The following RALGPS2 variants were observed in gnomAD, a reference collection of about 807,000 sequenced individuals.
The protein encoded by RALGPS2 is ras-specific guanine nucleotide-releasing factor RalGPS2.
RALGPS2 carries 43 observed loss-of-function variants against 86.8 expected under a neutral mutation model. That is an observed-to-expected ratio of 0.50 (90% CI 0.39 to 0.64). The LOEUF is 0.64. Among genes scored for constraint, RALGPS2 ranks in the 30% least tolerant of loss-of-function variants. The probability of loss-of-function intolerance (pLI) is 0.00; values close to 1 mark genes in which losing one functional copy is unlikely to be tolerated. For synonymous variants in RALGPS2, 243 were observed against 231.3 expected (o/e 1.05, Z -0.46); for missense variants, 536 against 694.6 (o/e 0.77, Z 2.57).
rs1166720300 is a variant in RALGPS2, at chr1:178,846,718, A to G, written c.607+13168A>G. Among the ~76,000 whole-genome samples, 3 of 152,336 alleles carry G rather than the reference A, an allele frequency of 2.0e-5. No individual in the cohort carries two copies. The East Asian group carries it at 5.8e-4, about 29-fold the overall frequency. ...AAGAACAGCAGCTATACAGATCTGC[A>G]TGCTAATTGTAAACAGAATCAGATT... On this transcript the variant is annotated intron_variant, in intron 8 of 19. Coordinates refer to ENST00000367635, the MANE Select transcript of RALGPS2 (RefSeq NM_152663.5).
intron 4 of RALGPS2, among the ~76,000 whole-genome samples, chr1:178,791,176 AGTGGCATG>A (rs1259162904): frequency 6.6e-6 from 1 of 152,136 alleles, no homozygotes; most frequent in African/African-American, 2.4e-5. Context: ...GCTGGATTGC[AGTGGCATG>A]ATCACGGCCC....
intron 1 of RALGPS2, among the ~76,000 whole-genome samples, chr1:178,746,134 C>T (rs1303940716): frequency 5.3e-5 from 8 of 151,932 alleles, no homozygotes; most frequent in African/African-American, 1.7e-4. Flanking sequence ...AGAGAGAATT[C>T]TTAAGAGAAT....
At chr1:178,903,142 G>A (rs1460379103) in intron 18 of RALGPS2, among the ~76,000 whole-genome samples, 1 of 152,054 alleles carries the variant, frequency 6.6e-6, no homozygotes, top group Non-Finnish European at 1.5e-5. Flanking sequence ...TTCACAACTG[G>A]AATACTATGT....
intron 6 of RALGPS2, among the ~76,000 whole-genome samples, chr1:178,816,708 ATT>A (rs1238092158): frequency 2.1e-4 from 28 of 134,274 alleles, no homozygotes; most frequent in Non-Finnish European, 1.6e-4. Context: ...GTTTGAAGTG[ATT>A]TTTTTTTTTT....
chr1:178,877,244 A>G (rs1304768364), intron 8 of RALGPS2, among the ~76,000 whole-genome samples: 2 of 152,130 alleles, frequency 1.3e-5, no homozygotes, highest in African/African-American at 4.8e-5. Flanking sequence ...ACTATACTTG[A>G]AAATGAAATC....
At chr1:178,807,956 A>G (rs1654817133) in intron 4 of RALGPS2, 89 bp from the exon 5 acceptor site, 1 of 820,008 alleles carries the variant, frequency 1.2e-6, no homozygotes, top group Non-Finnish European at 2.1e-6. Flanking sequence ...AGAAAAGAAC[A>G]CAAACTGTCT....
Position 178,916,425 on chromosome 1 carries a change from C to A in RALGPS2, c.*66C>A. 1 of 1,458,766 alleles carries A rather than the reference C, an allele frequency of 6.9e-7. No individual in the cohort carries two copies. Among genetic ancestry groups the A allele is most frequent in the Non-Finnish European group, 9.5e-7 (1 of 1,055,526 alleles). 90.4% of individuals were successfully genotyped at this position (1,458,766 alleles called of 1,614,324 possible). On this transcript the variant is annotated 3_prime_UTR_variant, in exon 20 of 20. Transcript: ENST00000367635. ...TGAGCATGAGGACCTGATAAAAGAGCGCCAGCTATAAACCATCCTGTGCCA... is the reference window on the plus strand; with the variant it reads ...TGAGCATGAGGACCTGATAAAAGAGAGCCAGCTATAAACCATCCTGTGCCA...
chr1:178,870,008 G>A (rs1658652680), intron 8 of RALGPS2, among the ~76,000 whole-genome samples: 1 of 151,822 alleles, frequency 6.6e-6, no homozygotes, highest in Admixed American at 6.6e-5. Context: ...ATTTTCTATT[G>A]TTAATACCAC....
At chr1:178,788,866 TTTTC>T (rs1653814553) in intron 4 of RALGPS2, among the ~76,000 whole-genome samples, 1 of 148,572 alleles carries the variant, frequency 6.7e-6, no homozygotes. Context: ...TTTTCTTTTC[TTTTC>T]TTTTCTTTTC....
intron 1 of RALGPS2, among the ~76,000 whole-genome samples, chr1:178,741,964 T>G (rs1488453883): frequency 6.6e-6 from 1 of 151,738 alleles, no homozygotes; most frequent in Non-Finnish European, 1.5e-5. Flanking sequence ...GTTGAGACCC[T>G]GTCTCTACCA....
chr1:178,884,968 G>A (rs1023096942), intron 11 of RALGPS2, 108 bp from the exon 12 acceptor site: 2 of 1,094,252 alleles, frequency 1.8e-6, no homozygotes, highest in Non-Finnish European at 2.5e-6. Flanking sequence ...CAATTAAATA[G>A]AACTAACATC....
intron 8 of RALGPS2, among the ~76,000 whole-genome samples, chr1:178,838,659 A>G (rs184858479): frequency 6.6e-6 from 1 of 152,356 alleles, no homozygotes; most frequent in African/African-American, 2.4e-5. Context: ...ACAAAGCTGG[A>G]TGGATAATGA....
In RALGPS2 at chr1:178,758,212, A is replaced by G. The variant is rs141025748; in HGVS notation, c.-83-18470A>G. Among the ~76,000 whole-genome samples the G allele has an allele frequency of 3.4e-4, 51 of 152,168 alleles. No individual in the cohort carries two copies. The Middle Eastern group carries it at 0.01, about 30-fold the overall frequency. ...CTATCTGGTGGTCTGTTAATCTCAT[A>G]TAACCTTTCAAAGAACCAACTTTTG... On this transcript the variant is annotated intron_variant, in intron 1 of 19. Coordinates refer to ENST00000367635, the MANE Select transcript of RALGPS2 (RefSeq NM_152663.5).
At chr1:178,852,806 C>G (rs779355325) in intron 8 of RALGPS2, 4 of 1,613,770 alleles carry the variant, frequency 2.5e-6, no homozygotes, top group African/African-American at 1.3e-5. Context: ...CTTTCAGGTT[C>G]CAGACGAAAG....
At chr1:178,890,781 T>G (rs1659685254) in intron 14 of RALGPS2, among the ~76,000 whole-genome samples, 1 of 152,010 alleles carries the variant, frequency 6.6e-6, no homozygotes, top group Non-Finnish European at 1.5e-5. Context: ...TTTGTTCTCT[T>G]TGTTTTGCGG....
intron 1 of RALGPS2, among the ~76,000 whole-genome samples, chr1:178,775,009 A>G (rs1415226029): frequency 1.3e-5 from 2 of 152,268 alleles, no homozygotes; most frequent in Admixed American, 6.5e-5. Context: ...CCAAAGGTGT[A>G]TTTCTAAGGT....
At chr1:178,767,358 C>CTTTTTTTTTT (rs1159630163) in intron 1 of RALGPS2, among the ~76,000 whole-genome samples, 7 of 70,432 alleles carry the variant, frequency 9.9e-5, no homozygotes, top group African/African-American at 1.9e-4. Context: ...TGTCCTTTGG[C>CTTTTTTTTTT]TTTTTTTTTT....
chr1:178,880,227 C>CT (rs748315716), intron 10 of RALGPS2, among the ~76,000 whole-genome samples: 89 of 152,202 alleles, frequency 5.8e-4, no homozygotes, highest in African/African-American at 2.1e-3. Context: ...TGATTATTAA[C>CT]TTCCTTTTTC....
chr1:178,885,176 A>C lies in RALGPS2; in HGVS notation c.1005A>C (p.Pro335=), dbSNP rs1659425242. Residue 335 remains proline, a synonymous_variant, in exon 12 of 20, where the codon CCA becomes CCC. Coordinates refer to ENST00000367635, the MANE Select transcript of RALGPS2 (RefSeq NM_152663.5). ...QTPPSPRNLI[P]HGHRKCHSLG... is the part of the protein sequence containing the mutation. Reference sequence around the variant, plus strand: ...CGCCATCCCCTCGGAATCTGATTCCACATGGACATAGGAAGTGCCATAGTT... The same window carrying C: ...CGCCATCCCCTCGGAATCTGATTCCCCATGGACATAGGAAGTGCCATAGTT... 6.2e-7 allele frequency: 1 copy of C among 1,613,742 alleles called. No individual in the cohort carries two copies. Among genetic ancestry groups the C allele is most frequent in the Non-Finnish European group, 8.5e-7 (1 of 1,179,926 alleles).
Sources: allele counts gnomAD v4.1 joint callset (sites outside exome capture counted in the v4.1 genomes callset), GRCh38; gene constraint gnomAD v4.1.1; transcripts MANE v1.5; gene names NCBI Gene and HGNC (gene_info 2026-07-23, HGNC 2026-07-21).